Variants in APOH observed in about 807,000 individuals in gnomAD.
The protein encoded by APOH is apolipoprotein H.
APOH carries 48 observed loss-of-function variants against 39.8 expected under a neutral mutation model. That is an observed-to-expected ratio of 1.21 (90% CI 0.96 to 1.54). APOH has a LOEUF of 1.54. Ranked by LOEUF, APOH falls within the 40% of genes most tolerant of loss-of-function variation. The pLI, the probability that APOH is intolerant of heterozygous loss-of-function variation, is 0.00. For synonymous variants in APOH, 153 were observed against 151.1 expected, an observed-to-expected ratio of 1.01 and a Z score of -0.09; for missense variants, 415 against 421.2, an observed-to-expected ratio of 0.99 and a Z score of 0.13.
intron 4 of APOH, among the ~76,000 whole-genome samples, chr17:66,222,450 G>A (rs373134390): frequency 2.4e-4 from 36 of 152,082 alleles, no homozygotes; most frequent in South Asian, 2.1e-3. Flanking sequence ...AGGAACCATC[G>A]TGATTCCTAC....
chr17:66,224,711 A>G lies in APOH; in HGVS notation c.339-937T>C, dbSNP rs1380875450. Among the ~76,000 whole-genome samples the G allele has an allele frequency of 1.5e-4, 16 of 105,062 alleles. 1 individual carries two copies. The highest frequency in any genetic ancestry group is 8.4e-4 in the South Asian group (2 of 2,386). 68.9% of individuals were successfully genotyped at this position (105,062 alleles called of 152,430 possible). ...GGGAAGGGAAAGGAAAGGAAAGGAA[A>G]GGAAAGGAAAGGAAAGGAAAGGAAA... On this transcript the variant is annotated intron_variant, in intron 3 of 7. Transcript: ENST00000205948.
At chr17:66,228,806 A>AAAC (rs796389537) in intron 1 of APOH, among the ~76,000 whole-genome samples, 3,903 of 151,452 alleles carry the variant, frequency 0.026, 178 homozygotes, top group African/African-American at 0.09. Context: ...TCTCAAAAAA[A>AAAC]AAAAAAAAGA....
chr17:66,224,468 T>A (rs929371810), intron 3 of APOH, among the ~76,000 whole-genome samples: 1 of 33,544 alleles, frequency 3.0e-5, no homozygotes, highest in Non-Finnish European at 4.2e-5. Context: ...AGGAAGATCC[T>A]GTAAAAAAAA....
At chr17:66,215,263 C>A (rs560581150) in intron 6 of APOH, among the ~76,000 whole-genome samples, 1 of 152,322 alleles carries the variant, frequency 6.6e-6, no homozygotes, top group South Asian at 2.1e-4. Context: ...CAAACTGAAC[C>A]TCATTTTAGC....
At position 66,214,438 on chromosome 17, in the gene APOH, C is replaced by T. The variant is rs1167821183; in HGVS notation, c.982+15G>A. Reference sequence around the variant, plus strand: ...CAAGTGGGAGTCCTAGCTAAACGTTCCAATGCAGACTTACCCTTGAAGCAT... The same window carrying T: ...CAAGTGGGAGTCCTAGCTAAACGTTTCAATGCAGACTTACCCTTGAAGCAT... On this transcript the variant is annotated intron_variant, in intron 7 of 7. Transcript: ENST00000205948. The T allele has an allele frequency of 1.2e-6, 2 of 1,611,464 alleles. No individual in the cohort carries two copies. The highest frequency in any genetic ancestry group is 1.7e-6 in the Non-Finnish European group (2 of 1,178,022).
intron 6 of APOH, among the ~76,000 whole-genome samples, chr17:66,215,582 C>T (rs1567738093): frequency 6.6e-6 from 1 of 152,236 alleles, no homozygotes; most frequent in Non-Finnish European, 1.5e-5. Context: ...AGTTATTTGT[C>T]ATCTTGCCTG....
At chr17:66,223,801 A>G (rs1194387939) in intron 3 of APOH, 27 bp from the exon 4 acceptor site, 2 of 1,599,350 alleles carry the variant, frequency 1.3e-6, no homozygotes, top group Non-Finnish European at 8.6e-7. Flanking sequence ...CATTCTATCA[A>G]GGAGTAAAAT....
intron 5 of APOH, among the ~76,000 whole-genome samples, chr17:66,218,571 T>C (rs760555517): frequency 6.6e-6 from 1 of 152,090 alleles, no homozygotes; most frequent in Non-Finnish European, 1.5e-5. Context: ...CCTCCCAAAG[T>C]GCAGAATGTA....
chr17:66,217,773 C>A (rs1183825238), intron 5 of APOH, among the ~76,000 whole-genome samples: 1 of 151,986 alleles, frequency 6.6e-6, no homozygotes, highest in Non-Finnish European at 1.5e-5. Context: ...CATGACAAAA[C>A]CCCATCTCTA....
chr17:66,220,686 G>C lies in APOH; in HGVS notation c.472C>G (p.Pro158Ala). 6.2e-7 allele frequency: 1 copy of C among 1,614,128 alleles called. No individual in the cohort carries two copies. Among genetic ancestry groups the C allele is most frequent in the Non-Finnish European group, 8.5e-7 (1 of 1,180,008 alleles). ...TAGAGGGAATTGTTTCCAGCTGATGGCTTATAAACACGAAGTGTTGCAAAC... is the reference window on the plus strand; with the variant it reads ...TAGAGGGAATTGTTTCCAGCTGATGCCTTATAAACACGAAGTGTTGCAAAC... ...PTFATLRVYK[P>A]SAGNNSLYRD... Residue 158 changes from proline to alanine, a missense_variant, in exon 5 of 8, where the codon CCA becomes GCA. Physicochemically the swap from Pro to Ala is conservative, Grantham distance 27 (BLOSUM62 -1). This residue lies in a region of APOH where 288 missense variants were observed against 284.9 expected (regional missense o/e 1.01). Coordinates refer to ENST00000205948, the MANE Select transcript of APOH (RefSeq NM_000042.3).
intron 2 of APOH, among the ~76,000 whole-genome samples, chr17:66,226,858 C>T (rs887986008): frequency 1.1e-4 from 17 of 151,554 alleles, no homozygotes; most frequent in African/African-American, 4.1e-4. Flanking sequence ...TTTAGTGTTC[C>T]AGAGTTATAG....
At chr17:66,229,173 G>A (rs2073459312) in intron 1 of APOH, 143 bp downstream of exon 1, 1 of 555,710 alleles carries the variant, frequency 1.8e-6, no homozygotes, top group East Asian at 3.5e-5. Flanking sequence ...CTGACCTCAG[G>A]TGATCCACCT....
intron 3 of APOH, 124 bp from the exon 4 acceptor site, chr17:66,223,898 G>A: frequency 1.2e-6 from 1 of 832,278 alleles, no homozygotes. Flanking sequence ...GTATAATGCT[G>A]TCTTCCTGAC....
chr17:66,219,240 G>T (rs1323799745), intron 5 of APOH, among the ~76,000 whole-genome samples: 1 of 152,068 alleles, frequency 6.6e-6, no homozygotes, highest in Non-Finnish European at 1.5e-5. Flanking sequence ...ATGAAGTGAT[G>T]ATATAAAATG....
chr17:66,220,583 C>T lies in APOH; in HGVS notation c.575G>A (p.Gly192Glu). Reference protein sequence around the residue: ...GNDTITCTTHGNWTKLPECRE... With the variant: ...GNDTITCTTHENWTKLPECRE... ...GCATTCTGGTAATTTAGTCCAATTT[C>T]CATGTGTCGTGCAGGTAATTGTATC... Residue 192 changes from glycine to glutamate, a missense_variant, in exon 5 of 8, where the codon GGA becomes GAA. By Grantham distance (98) the Gly-to-Glu change is moderately conservative (BLOSUM62 -2). This residue lies in a region of APOH where 288 missense variants were observed against 284.9 expected (regional missense o/e 1.01). Coordinates refer to ENST00000205948, the MANE Select transcript of APOH (RefSeq NM_000042.3). 6.2e-7 allele frequency: 1 copy of T among 1,614,148 alleles called. No individual in the cohort carries two copies.
At position 66,229,350 on chromosome 17, in the gene APOH, C is replaced by T. The variant is rs1182597610; in HGVS notation, c.30G>A (p.Ser10=). MISPVLILF[S]SFLCHVAIAG... is the part of the protein sequence containing the mutation. ...CAATAGCAACATGGCAGAGAAAACT[C>T]GAGAACAAGATGAGCACTGGAGAAA... Residue 10 remains serine (S), a synonymous_variant, in exon 1 of 8, where the codon TCG becomes TCA. Coordinates refer to ENST00000205948, the MANE Select transcript of APOH (RefSeq NM_000042.3). 1.1e-5 allele frequency: 17 copies of T among 1,613,698 alleles called. No homozygotes were observed. Among genetic ancestry groups the T allele is most frequent in the Non-Finnish European group, 1.4e-5 (16 of 1,179,824 alleles).
At position 66,220,698 on chromosome 17, in the gene APOH, G is replaced by T; in HGVS notation, c.460C>A (p.Arg154Ser). Residue 154 changes from arginine to serine, a missense_variant, in exon 5 of 8, where the codon CGT becomes AGT. Physicochemically the swap from Arg to Ser is moderately radical, Grantham distance 110 (BLOSUM62 -1). Transcript: ENST00000205948. Reference protein sequence around the residue: ...PPSIPTFATLRVYKPSAGNNS... With the variant: ...PPSIPTFATLSVYKPSAGNNS... ...TTTCCAGCTGATGGCTTATAAACACGAAGTGTTGCAAACGTAGGTATGGAT... is the reference window on the plus strand; with the variant it reads ...TTTCCAGCTGATGGCTTATAAACACTAAGTGTTGCAAACGTAGGTATGGAT... The T allele has an allele frequency of 6.2e-7, 1 of 1,614,040 alleles. No individual in the cohort carries two copies. The highest frequency in any genetic ancestry group is 8.5e-7 in the Non-Finnish European group (1 of 1,179,976).
rs2073353278 is a variant in APOH, at chr17:66,214,540, A to C, written c.895T>G (p.Phe299Val). The change falls in exon 7 of 8, where the codon TTC becomes GTC. Residue 299 changes from phenylalanine (F) to valine (V), a missense_variant. Around this residue, in one of 3 missense-constraint regions of APOH, gnomAD observed 120 missense variants for 110.6 expected, o/e 1.08. Coordinates refer to ENST00000205948, the MANE Select transcript of APOH (RefSeq NM_000042.3). Reference sequence around the variant, plus strand: ...CACTTCTTTTCCTTATTTTTGCAGAAGAAAGAAACTTTATCACCATGTAGC... The same window carrying C: ...CACTTCTTTTCCTTATTTTTGCAGACGAAAGAAACTTTATCACCATGTAGC... The part of the protein sequence containing the change: ...GMLHGDKVSF[F>V]CKNKEKKCSY... 6.2e-7 allele frequency: 1 copy of C among 1,614,036 alleles called. No homozygotes were observed. Among genetic ancestry groups the C allele is most frequent in the African/African-American group, 1.3e-5 (1 of 74,922 alleles).
chr17:66,226,032 T>C lies in APOH; in HGVS notation c.334A>G (p.Thr112Ala). Residue 112 changes from threonine (T) to alanine (A), a missense_variant, in exon 3 of 8, where the codon ACT becomes GCT. Coordinates refer to ENST00000205948, the MANE Select transcript of APOH (RefSeq NM_000042.3). ...TAGTTCCATGAAAGTTCTTACCCAGTGTTACAAGAAAAACTGATCGTGTTG... is the reference window on the plus strand; with the variant it reads ...TAGTTCCATGAAAGTTCTTACCCAGCGTTACAAGAAAAACTGATCGTGTTG... ...YPNTISFSCN[T>A]GFYLNGADSA... 6.2e-7 allele frequency: 1 copy of C among 1,610,214 alleles called. No homozygotes were observed. Among genetic ancestry groups the C allele is most frequent in the Non-Finnish European group, 8.5e-7 (1 of 1,177,538 alleles).
Sources: gnomAD v4.1 joint callset for allele counts (sites outside exome capture counted in the v4.1 genomes callset) on GRCh38, gnomAD v4.1.1 for gene constraint, gnomAD v4.1.1 regional missense constraint, MANE v1.5 for transcripts, NCBI Gene and HGNC (gene_info 2026-07-23, HGNC 2026-07-21) for gene names.